EPS8L2: variants seen among roughly 807,000 people sequenced by gnomAD.
The protein encoded by EPS8L2 is EPS8 signaling adaptor L2.
In EPS8L2, 81 loss-of-function variants were observed where a neutral mutation model predicts 99.4. That is an observed-to-expected ratio of 0.82 (90% CI 0.68 to 0.98). The LOEUF (loss-of-function observed/expected upper bound fraction) is 0.98. Among genes scored for constraint, EPS8L2 ranks in the 50% least tolerant of loss-of-function variants. EPS8L2 has a pLI of 0.00. For missense variants in EPS8L2, 1,155 were observed against 968.8 expected (o/e 1.19, Z -2.55); for synonymous variants, 509 against 407.3 (o/e 1.25, Z -3.01).
At chr11:712,849 G>T (rs1292418465) in intron 4 of EPS8L2, among the ~76,000 whole-genome samples, 4 of 152,248 alleles carry the variant, frequency 2.6e-5, no homozygotes, top group African/African-American at 4.8e-5. Context: ...GGCCAGCTCA[G>T]TGTCCAGGGG....
intron 3 of EPS8L2, 85 bp downstream of exon 3, chr11:709,693 CAG>C: frequency 6.8e-7 from 1 of 1,475,988 alleles, no homozygotes; most frequent in African/African-American, 1.4e-5. Flanking sequence ...TCCTGCCCCA[CAG>C]CTGTGCCTGG....
At chr11:713,392 G>A (rs1197710651) in intron 4 of EPS8L2, among the ~76,000 whole-genome samples, 1 of 152,192 alleles carries the variant, frequency 6.6e-6, no homozygotes, top group African/African-American at 2.4e-5. Flanking sequence ...CTGTTTGTTT[G>A]TGTGTTTGAG....
intron 16 of EPS8L2, 35 bp from the exon 17 acceptor site, chr11:725,693 T>C: frequency 7.7e-7 from 1 of 1,301,984 alleles, no homozygotes; most frequent in Non-Finnish European, 9.7e-7. Flanking sequence ...CCGCAGAGCC[T>C]GGGTGTGGGG....
chr11:709,581 G>A lies in EPS8L2; in HGVS notation c.73G>A (p.Ala25Thr). ...NGSLGRSDGV[A>T]KMSPKDLFEQ... ...CAGCCTGGGCCGGTCCGACGGTGTG[G>A]CCAAGATGAGCCCCAAGGACCTGTT... The change falls in exon 3 of 21, where the codon GCC (alanine) becomes ACC (threonine). Residue 25 changes from alanine to threonine, a missense_variant. Coordinates refer to ENST00000318562, the MANE Select transcript of EPS8L2 (RefSeq NM_022772.4). 1.2e-6 allele frequency: 2 copies of A among 1,613,134 alleles called. No individual in the cohort carries two copies. The highest frequency in any genetic ancestry group is 2.2e-5 in the South Asian group (2 of 91,064).
intron 3 of EPS8L2, chr11:710,196 A>T (rs1861847498): frequency 1.8e-6 from 1 of 548,462 alleles, no homozygotes. Flanking sequence ...GAGCAAGCCC[A>T]TCGCCTTCTC....
Position 720,662 on chromosome 11 carries a change from C to G in EPS8L2, c.393C>G (p.Arg131=). The G allele has an allele frequency of 2.5e-6, 4 of 1,597,404 alleles. No homozygotes were observed. Among genetic ancestry groups the G allele is most frequent in the Non-Finnish European group, 3.4e-6 (4 of 1,173,654 alleles). The part of the protein sequence containing the change: ...QRSQTVLNQL[R]YPSVLLLVCQ... Reference sequence around the variant, plus strand: ...GCCAGACGGTCCTCAACCAGCTGCGCTACCCGTCTGTGCTGCTGCTCGTGT... The same window carrying G: ...GCCAGACGGTCCTCAACCAGCTGCGGTACCCGTCTGTGCTGCTGCTCGTGT... Residue 131 remains arginine, a synonymous_variant, in exon 6 of 21, where the codon CGC becomes CGG. Transcript: ENST00000318562.
intron 5 of EPS8L2, 109 bp downstream of exon 5, chr11:720,332 C>T: frequency 8.0e-7 from 1 of 1,251,214 alleles, no homozygotes; most frequent in Non-Finnish European, 1.1e-6. Context: ...CCGGCCATGC[C>T]CTATCATTCT....
chr11:710,470 C>G lies in EPS8L2; in HGVS notation c.149C>G (p.Ser50Trp). Residue 50 changes from serine (S) to tryptophan (W), a missense_variant, in exon 4 of 21, where the codon TCG becomes TGG. Physicochemically the swap from Ser to Trp is radical, Grantham distance 177. Transcript: ENST00000318562. ...SNSNVIMHETSQYHVQHLATF... is the reference protein window; with the variant it reads ...SNSNVIMHETWQYHVQHLATF... ...TCCAACGTCATCATGCACGAGACCT[C>G]GCAGTACCACGTCCAGGTAAGGCCC... 6.2e-7 allele frequency: 1 copy of G among 1,613,734 alleles called. No individual in the cohort carries two copies.
chr11:719,449 A>G (rs1862099961), intron 4 of EPS8L2, among the ~76,000 whole-genome samples: 1 of 152,060 alleles, frequency 6.6e-6, no homozygotes, highest in Admixed American at 6.5e-5. Context: ...GAAAGAGGAG[A>G]GGTGAAGGGC....
rs1861861000 is a variant in EPS8L2, at chr11:710,605, T to C, written c.165+119T>C. 3 of 1,003,298 alleles carry C rather than the reference T, an allele frequency of 3.0e-6. No homozygotes were observed. In the South Asian group the frequency reaches 4.0e-5, roughly 13 times the overall value. 62.1% of individuals were successfully genotyped at this position (1,003,298 alleles called of 1,614,324 possible). A position where few individuals can be genotyped will look rare whatever the true frequency, so the allele number is the denominator to read the frequency against. ...TTAGACGGGCATGGTGGTGCCGGCC[T>C]GTAGGCCCTGCTACTGGGGAGGCTG... is the stretch of plus-strand genomic sequence containing the variant. On this transcript the variant is annotated intron_variant, in intron 4 of 20. Coordinates refer to ENST00000318562, the MANE Select transcript of EPS8L2 (RefSeq NM_022772.4).
chr11:721,272 T>G lies in EPS8L2; in HGVS notation c.701-13T>G, dbSNP rs1328012497. 1.9e-6 allele frequency: 3 copies of G among 1,539,232 alleles called. No individual in the cohort carries two copies. Among genetic ancestry groups the G allele is most frequent in the Non-Finnish European group, 2.6e-6 (3 of 1,146,080 alleles). ...TGGGGGGCTCGGTGAGCAGCCGCCG[T>G]GTCCCCCATCAGGTTTCCGCCGTCG... On this transcript the variant is annotated splice_polypyrimidine_tract_variant and intron_variant, in intron 8 of 20. Coordinates refer to ENST00000318562, the MANE Select transcript of EPS8L2 (RefSeq NM_022772.4).
intron 3 of EPS8L2, chr11:709,861 A>T: frequency 1.7e-6 from 1 of 575,170 alleles, no homozygotes; most frequent in Non-Finnish European, 3.1e-6. Context: ...CGCTGCACTC[A>T]TTGCTGTAAC....
At chr11:715,055 A>G (rs1366964748) in intron 4 of EPS8L2, among the ~76,000 whole-genome samples, 1 of 152,150 alleles carries the variant, frequency 6.6e-6, no homozygotes, top group African/African-American at 2.4e-5. Flanking sequence ...ATTCTGGCTA[A>G]CATGGTGAAA....
intron 4 of EPS8L2, among the ~76,000 whole-genome samples, chr11:711,261 CGTGCGTGCGTGTGT>C (rs1157455580): frequency 8.3e-6 from 1 of 120,858 alleles, no homozygotes; most frequent in Non-Finnish European, 1.9e-5. Context: ...TGCGTGTGTG[CGTGCGTGCGTGTGT>C]GTGTGTGTGT....
At chr11:706,648 G>A (rs1339372171) in intron 1 of EPS8L2, 2 of 152,734 alleles carry the variant, frequency 1.3e-5, no homozygotes, top group Non-Finnish European at 2.9e-5. Flanking sequence ...TGGTGGTAGG[G>A]AGGCTTCTCC....
intron 10 of EPS8L2, 64 bp downstream of exon 10, chr11:721,755 G>A: frequency 6.5e-7 from 1 of 1,534,654 alleles, no homozygotes; most frequent in East Asian, 2.3e-5. Flanking sequence ...CAGGGGACAG[G>A]GACGGGGACG....
At chr11:723,464 G>A in intron 15 of EPS8L2, 111 bp downstream of exon 15, 1 of 482,258 alleles carries the variant, frequency 2.1e-6, no homozygotes, top group East Asian at 3.5e-5. Context: ...CATTGTTCAA[G>A]TGGTTTAAAA....
At chr11:712,715 T>C (rs1421532852) in intron 4 of EPS8L2, among the ~76,000 whole-genome samples, 2 of 152,238 alleles carry the variant, frequency 1.3e-5, no homozygotes, top group Non-Finnish European at 2.9e-5. Context: ...TTTCCTCGTC[T>C]GTACAATGGG....
chr11:725,372 G>A (rs1862285603), intron 16 of EPS8L2, among the ~76,000 whole-genome samples: 2 of 152,212 alleles, frequency 1.3e-5, no homozygotes. Flanking sequence ...TTATCTGGAT[G>A]TGGTGGTGTG....
Sources: allele counts gnomAD v4.1 joint callset (sites outside exome capture counted in the v4.1 genomes callset), GRCh38; gene constraint gnomAD v4.1.1; transcripts MANE v1.5; gene names NCBI Gene and HGNC (gene_info 2026-07-23, HGNC 2026-07-21).